Variants in STK39 observed in about 807,000 individuals in gnomAD.
The protein encoded by STK39 is serine/threonine kinase 39, also known as STE20/SPS1-related proline-alanine-rich protein kinase.
A neutral mutation model predicts 77.8 loss-of-function variants in STK39; 20 were observed. That is an observed-to-expected ratio of 0.26 (90% CI 0.18 to 0.37). The LOEUF (loss-of-function observed/expected upper bound fraction) is 0.37. Among genes scored for constraint, STK39 ranks in the 10% least tolerant of loss-of-function variants. STK39 has a pLI of 1.00. For synonymous variants in STK39, 246 were observed against 234.1 expected (o/e 1.05, Z -0.47); for missense variants, 479 against 656.5 (o/e 0.73, Z 2.95).
At chr2:168,000,699 C>T (rs1431423505) in intron 16 of STK39, among the ~76,000 whole-genome samples, 3 of 152,130 alleles carry the variant, frequency 2.0e-5, no homozygotes, top group South Asian at 2.1e-4. Context: ...CCCTACATAT[C>T]GCAGAAAGAC....
At chr2:168,068,436 A>T (rs535928730) in intron 12 of STK39, among the ~76,000 whole-genome samples, 1 of 152,196 alleles carries the variant, frequency 6.6e-6, no homozygotes, top group South Asian at 2.1e-4. Context: ...GATCCTGGCA[A>T]AAACAAGGGA....
Position 167,954,997 on chromosome 2 carries a change from A to G in STK39, c.*499T>C, listed in dbSNP as rs1269870410. 1 of 152,708 alleles carries G rather than the reference A, an allele frequency of 6.5e-6. No individual in the cohort carries two copies. Among genetic ancestry groups the G allele is most frequent in the Non-Finnish European group, 1.5e-5 (1 of 68,074 alleles). The allele number at this position is 152,708 out of a possible 1,614,324, so 9.5% of individuals were successfully genotyped here. On this transcript the variant is annotated 3_prime_UTR_variant, in exon 18 of 18. Coordinates refer to ENST00000355999, the MANE Select transcript of STK39 (RefSeq NM_013233.3). Reference sequence around the variant, plus strand: ...AACTAGAATTCAAGTTTGGCTAATAAATCTTAATTTTATAAGTATATTAAT... The same window carrying G: ...AACTAGAATTCAAGTTTGGCTAATAGATCTTAATTTTATAAGTATATTAAT...
chr2:168,143,286 T>G (rs1351980627), intron 5 of STK39, among the ~76,000 whole-genome samples: 2 of 152,364 alleles, frequency 1.3e-5, no homozygotes, highest in East Asian at 3.9e-4. Flanking sequence ...CCACAGCCAC[T>G]GCCTTCATTT....
At chr2:168,149,942 A>G (rs987249377) in intron 5 of STK39, among the ~76,000 whole-genome samples, 3 of 152,252 alleles carry the variant, frequency 2.0e-5, no homozygotes, top group Admixed American at 6.5e-5. Flanking sequence ...AAACAGAAGT[A>G]AGTTCGACAT....
intron 14 of STK39, among the ~76,000 whole-genome samples, chr2:168,043,472 G>A (rs1252334801): frequency 6.6e-6 from 1 of 152,174 alleles, no homozygotes; most frequent in African/African-American, 2.4e-5. Context: ...GTAGTTAAAC[G>A]ATATTTCCCT....
intron 15 of STK39, among the ~76,000 whole-genome samples, chr2:168,014,204 G>A (rs1211915112): frequency 6.6e-6 from 1 of 152,120 alleles, no homozygotes; most frequent in African/African-American, 2.4e-5. Context: ...AAACACCTTG[G>A]CCCAGTGCAA....
At chr2:168,084,487 T>C (rs115579928) in intron 10 of STK39, among the ~76,000 whole-genome samples, 5,717 of 152,176 alleles carry the variant, frequency 0.038, 167 homozygotes, top group South Asian at 0.12. Flanking sequence ...TTTAAGAAGG[T>C]TGTCAGTGAG....
At chr2:168,018,533 G>GAAAGA (rs757728335) in intron 14 of STK39, among the ~76,000 whole-genome samples, 3 of 70,588 alleles carry the variant, frequency 4.3e-5, no homozygotes, top group Admixed American at 1.5e-4. Flanking sequence ...AGAAAGAAAA[G>GAAAGA]AAAGAAAAGA....
chr2:167,962,003 C>A (rs1365968471), intron 17 of STK39, among the ~76,000 whole-genome samples: 2 of 152,184 alleles, frequency 1.3e-5, no homozygotes, highest in African/African-American at 2.4e-5. Flanking sequence ...TGGAGGCGCA[C>A]CCCTGCGGCC....
At chr2:168,209,860 G>A (rs1046128558) in intron 1 of STK39, among the ~76,000 whole-genome samples, 13 of 151,876 alleles carry the variant, frequency 8.6e-5, no homozygotes, top group Admixed American at 1.3e-4. Context: ...CTAATCAGGC[G>A]TGGTGGCAGG....
chr2:168,186,478 T>C (rs1399780240), intron 1 of STK39, among the ~76,000 whole-genome samples: 1 of 152,182 alleles, frequency 6.6e-6, no homozygotes, highest in East Asian at 1.9e-4. Context: ...CAACAGCAAA[T>C]GGCAAGATTC....
intron 1 of STK39, chr2:168,231,803 A>G (rs116239781): frequency 0.041 from 8,768 of 215,382 alleles, 258 homozygotes; most frequent in Non-Finnish European, 0.063. Context: ...GTGCCAGTAT[A>G]CTAGCAGGCA....
rs150042026 is a variant in STK39, at chr2:168,144,939, C to T, written c.629-4181G>A. ...GAGGACGCAGTAAGCCATGATCATGCCACTGCACTCCAGTCTAGGCAACAG... is the reference window on the plus strand; with the variant it reads ...GAGGACGCAGTAAGCCATGATCATGTCACTGCACTCCAGTCTAGGCAACAG... On this transcript the variant is annotated intron_variant, in intron 5 of 17. Transcript: ENST00000355999. Among the ~76,000 whole-genome samples, 729 of 150,890 alleles carry T rather than the reference C, an allele frequency of 4.8e-3. 9 individuals are homozygous for T. Among genetic ancestry groups the T allele is most frequent in the African/African-American group, 0.017 (698 of 40,952 alleles).
At chr2:168,234,191 T>G (rs374561184) in intron 1 of STK39, among the ~76,000 whole-genome samples, 28 of 152,256 alleles carry the variant, frequency 1.8e-4, no homozygotes, top group African/African-American at 6.3e-4. Context: ...ATTTAGCCAG[T>G]CTTTGAACAT....
At chr2:168,062,004 T>C (rs931393813) in intron 14 of STK39, among the ~76,000 whole-genome samples, 2 of 152,120 alleles carry the variant, frequency 1.3e-5, no homozygotes, top group Admixed American at 6.6e-5. Context: ...ATCAATCAAT[T>C]AAGGCTTTTA....
chr2:168,167,264 C>G, intron 3 of STK39, 35 bp downstream of exon 3: 1 of 1,565,534 alleles, frequency 6.4e-7, no homozygotes. Flanking sequence ...GGAGAGAAAA[C>G]AAGCAAATAA....
chr2:168,014,489 T>TAA (rs568276094), intron 15 of STK39, among the ~76,000 whole-genome samples: 2 of 145,810 alleles, frequency 1.4e-5, no homozygotes, highest in Admixed American at 6.8e-5. Context: ...AAGAAAAAAA[T>TAA]AAAAAAAAAA....
chr2:168,020,234 TTA>T (rs1684536830), intron 14 of STK39, among the ~76,000 whole-genome samples: 1 of 152,206 alleles, frequency 6.6e-6, no homozygotes, highest in African/African-American at 2.4e-5. Flanking sequence ...GACAACCCCA[TTA>T]TATGTCAATA....
At chr2:168,100,481 C>G (rs1450441087) in intron 10 of STK39, among the ~76,000 whole-genome samples, 1 of 152,112 alleles carries the variant, frequency 6.6e-6, no homozygotes, top group African/African-American at 2.4e-5. Context: ...CCAGGCTGGT[C>G]TCGAACTCCT....
Sources: gnomAD v4.1 joint callset for allele counts (sites outside exome capture counted in the v4.1 genomes callset) on GRCh38, gnomAD v4.1.1 for gene constraint, MANE v1.5 for transcripts, NCBI Gene and HGNC (gene_info 2026-07-23, HGNC 2026-07-21) for gene names.